KIF3A: variants seen among roughly 807,000 people sequenced by gnomAD.
The protein encoded by KIF3A is kinesin-like protein KIF3A.
Under a neutral mutation model 92.6 loss-of-function variants are expected in KIF3A, and 27 were observed. The ratio of observed to expected loss-of-function variants is 0.29; its 90% CI spans 0.21 to 0.40. KIF3A has a LOEUF of 0.40. Ranked by LOEUF, KIF3A falls within the 10% of genes least tolerant of loss-of-function variation. The pLI, the probability that KIF3A is intolerant of heterozygous loss-of-function variation, is 1.00. For missense variants in KIF3A, 581 were observed against 872.6 expected (o/e 0.67, Z 4.21); for synonymous variants, 250 against 275.4 (o/e 0.91, Z 0.92).
intron 15 of KIF3A, among the ~76,000 whole-genome samples, 167 bp from the exon 16 acceptor site, chr5:132,700,867 T>A (rs924135913): frequency 3.3e-5 from 5 of 152,090 alleles, no homozygotes; most frequent in Non-Finnish European, 5.9e-5. Flanking sequence ...TAGGAATGCA[T>A]GCAGATGAAA....
At chr5:132,709,332 A>G (rs897733160) in intron 9 of KIF3A, among the ~76,000 whole-genome samples, 1 of 152,220 alleles carries the variant, frequency 6.6e-6, no homozygotes, top group Non-Finnish European at 1.5e-5. Context: ...ATTTAGGTTG[A>G]TAAGTTAAAG....
chr5:132,691,667 C>T (rs1752667465), downstream of KIF3A, among the ~76,000 whole-genome samples: 1 of 152,138 alleles, frequency 6.6e-6, no homozygotes. Flanking sequence ...CTTTGGGAGG[C>T]TGAGGCGGGT....
intron 5 of KIF3A, among the ~76,000 whole-genome samples, chr5:132,720,253 A>G (rs1753781532): frequency 6.6e-6 from 1 of 152,252 alleles, no homozygotes; most frequent in Admixed American, 6.5e-5. Flanking sequence ...TAATGTCTTC[A>G]TAGTCTCCTG....
In KIF3A at chr5:132,734,473, A is replaced by G. The variant is rs761873093; in HGVS notation, c.12T>C (p.Asn4=). 4.3e-6 allele frequency: 7 copies of G among 1,609,688 alleles called. No homozygotes were observed. The Admixed American group carries it at 1.2e-4, about 27-fold the overall frequency. The part of the protein sequence containing the change: MPI[N]KSEKPESCDN... ...CGCAGCTTTCTGGCTTCTCTGATTT[A>G]TTGATCTGTTGGAGATAATATTTAC... Residue 4 remains asparagine (N), a synonymous_variant, in exon 2 of 19, where the codon AAT becomes AAC. Coordinates refer to ENST00000403231, the MANE Select transcript of KIF3A (RefSeq NM_001300791.2).
At chr5:132,723,540 G>A (rs1341335611) in intron 4 of KIF3A, 2 of 152,152 alleles carry the variant, frequency 1.3e-5, no homozygotes, top group East Asian at 1.9e-4. Flanking sequence ...ACAAAAACAA[G>A]AAATGGGGAA....
rs977189975 is a variant in KIF3A, at chr5:132,716,320, A to T, written c.879T>A (p.Thr293=). ...GTTTAGAGTTACGATAAGGCACATG[A>T]GTGCTTTTTCCATCAACCAAGGCAG... ...VISALVDGKS[T]HVPYRNSKLT... The change falls in exon 7 of 19, where the codon ACT becomes ACA. Residue 293 remains threonine (T), a synonymous_variant. Coordinates refer to ENST00000403231, the MANE Select transcript of KIF3A (RefSeq NM_001300791.2). The T allele has an allele frequency of 1.9e-6, 3 of 1,613,834 alleles. No homozygotes were observed. The highest frequency in any genetic ancestry group is 2.5e-6 in the Non-Finnish European group (3 of 1,179,854).
At chr5:132,692,185 G>A (rs568690375), downstream of KIF3A, among the ~76,000 whole-genome samples, 7 of 152,174 alleles carry the variant, frequency 4.6e-5, no homozygotes, top group East Asian at 5.8e-4. Context: ...ACCAAATACC[G>A]CATGTTGTCA....
Position 132,699,272 on chromosome 5 carries a change from G to GT in KIF3A, c.2030dup (p.His677GlnfsTer8). The GT allele has an allele frequency of 6.2e-7, 1 of 1,613,722 alleles. No individual in the cohort carries two copies. The highest frequency in any genetic ancestry group is 8.5e-7 in the Non-Finnish European group (1 of 1,179,744). On this transcript the variant is annotated frameshift_variant, in exon 18 of 19. Coordinates refer to ENST00000403231, the MANE Select transcript of KIF3A (RefSeq NM_001300791.2). LOFTEE classifies it high-confidence loss of function. ...TCTCCTCAGTATAGGCAAGATACAC[G>GT]TGAGAAAGGTCCACCTCAAAGGGCT...
In KIF3A at chr5:132,695,095, T is replaced by C. The variant is rs975789788; in HGVS notation, c.*1539A>G. ...TCTCAAAATATTTTCAACCAATGTG[T>C]TTCAGGGCTGATTACATAATTTTGA... On this transcript the variant is annotated 3_prime_UTR_variant, in exon 19 of 19. Transcript: ENST00000403231. 1 of 152,334 alleles carries C rather than the reference T, an allele frequency of 6.6e-6. No homozygotes were observed. The highest frequency in any genetic ancestry group is 2.4e-5 in the African/African-American group (1 of 41,452). The allele number at this position is 152,334 out of a possible 1,614,324, so 9.4% of individuals were successfully genotyped here.
chr5:132,729,155 A>G (rs2149919607), intron 2 of KIF3A, among the ~76,000 whole-genome samples: 1 of 152,170 alleles, frequency 6.6e-6, no homozygotes, highest in South Asian at 2.1e-4. Context: ...GTGAGAGATA[A>G]AAGACTACAC....
intron 10 of KIF3A, among the ~76,000 whole-genome samples, chr5:132,707,166 A>C (rs959357614): frequency 1.3e-5 from 2 of 152,154 alleles, no homozygotes; most frequent in African/African-American, 4.8e-5. Flanking sequence ...TTATTACATA[A>C]AATGAAGTAT....
chr5:132,691,285 C>T (rs1752657263), downstream of KIF3A, among the ~76,000 whole-genome samples: 2 of 152,166 alleles, frequency 1.3e-5, 1 homozygote, highest in South Asian at 4.1e-4. Flanking sequence ...CAGTGGCTCA[C>T]ACCTGTAATT....
intron 9 of KIF3A, among the ~76,000 whole-genome samples, chr5:132,709,727 T>C (rs1230097827): frequency 6.6e-6 from 1 of 152,208 alleles, no homozygotes; most frequent in African/African-American, 2.4e-5. Context: ...GATAAGTGTT[T>C]GAGACTTTGC....
At chr5:132,723,720 C>G (rs1396915293) in intron 4 of KIF3A, 1 of 152,250 alleles carries the variant, frequency 6.6e-6, no homozygotes, top group Admixed American at 6.5e-5. Context: ...TAGGCAATAC[C>G]ATTCAGGACA....
intron 12 of KIF3A, among the ~76,000 whole-genome samples, 184 bp from the exon 13 acceptor site, chr5:132,703,249 C>A (rs1753102985): frequency 6.6e-6 from 1 of 152,034 alleles, no homozygotes; most frequent in Non-Finnish European, 1.5e-5. Flanking sequence ...CATTCTAATT[C>A]ATTGATATGT....
chr5:132,700,411 G>A (rs1473031000), intron 16 of KIF3A, 127 bp from the exon 17 acceptor site: 1 of 687,436 alleles, frequency 1.5e-6, no homozygotes, highest in African/African-American at 1.8e-5. Flanking sequence ...AGAGCAGAAA[G>A]GGCCCCAGAG....
At chr5:132,721,299 T>G (rs1480845048) in intron 4 of KIF3A, 1 of 152,192 alleles carries the variant, frequency 6.6e-6, no homozygotes, top group East Asian at 1.9e-4. Context: ...TAAAATATGA[T>G]CTTTCTGTGA....
downstream of KIF3A, among the ~76,000 whole-genome samples, chr5:132,692,078 T>C (rs536147301): frequency 6.6e-6 from 1 of 152,238 alleles, no homozygotes; most frequent in Admixed American, 6.5e-5. Context: ...CCATGGAATA[T>C]TATGCAGCCA....
Position 132,729,400 on chromosome 5 carries a change from C to A in KIF3A, c.281-2902G>T, listed in dbSNP as rs528311569. Among the ~76,000 whole-genome samples, 23 of 151,728 alleles carry A rather than the reference C, an allele frequency of 1.5e-4. 1 individual carries two copies. The highest frequency in any genetic ancestry group is 5.3e-4 in the African/African-American group (22 of 41,264). On this transcript the variant is annotated intron_variant, in intron 2 of 18. Coordinates refer to ENST00000403231, the MANE Select transcript of KIF3A (RefSeq NM_001300791.2). The stretch of plus-strand genomic sequence containing the variant: ...CCAGGAGGCTGAGGCTGCAATGAGC[C>A]GTTATAGTGCCACTGCACCCCAGCC...
Sources: gnomAD v4.1 joint callset for allele counts (sites outside exome capture counted in the v4.1 genomes callset) on GRCh38, gnomAD v4.1.1 for gene constraint, MANE v1.5 for transcripts, NCBI Gene and HGNC (gene_info 2026-07-23, HGNC 2026-07-21) for gene names.